The following SEMA6D variants were observed in gnomAD, a reference collection of about 807,000 sequenced individuals.
SEMA6D encodes the protein semaphorin-6D.
In SEMA6D, 35 loss-of-function variants were observed where a neutral mutation model predicts 106.6. The observed-to-expected ratio is 0.33, with a 90% CI of 0.25 to 0.44. The LOEUF is 0.44. SEMA6D is among the 20% of genes least tolerant of loss of function. The pLI, the probability that SEMA6D is intolerant of heterozygous loss-of-function variation, is 1.00. For missense variants in SEMA6D, 1,185 were observed against 1,345.9 expected, an observed-to-expected ratio of 0.88 and a Z score of 1.87; for synonymous variants, 499 against 487.7, an observed-to-expected ratio of 1.02 and a Z score of -0.31.
intron 3 of SEMA6D, among the ~76,000 whole-genome samples, chr15:47,588,344 C>T (rs2076379753): frequency 1.3e-5 from 2 of 152,164 alleles, no homozygotes; most frequent in African/African-American, 4.8e-5. Context: ...GCCTGTTCTG[C>T]CCCTATCTTT....
intron 1 of SEMA6D, among the ~76,000 whole-genome samples, chr15:47,206,177 T>G (rs1203536360): frequency 6.6e-6 from 1 of 152,212 alleles, no homozygotes; most frequent in East Asian, 1.9e-4. Flanking sequence ...AAATATCCAA[T>G]ATGTATTAAT....
At chr15:47,423,820 G>A (rs982888267) in intron 2 of SEMA6D, among the ~76,000 whole-genome samples, 1 of 151,914 alleles carries the variant, frequency 6.6e-6, no homozygotes, top group East Asian at 1.9e-4. Flanking sequence ...CCTTGGTGGT[G>A]GGGTTTGTCT....
chr15:47,316,942 A>G (rs896179186), intron 1 of SEMA6D, among the ~76,000 whole-genome samples: 6 of 152,200 alleles, frequency 3.9e-5, no homozygotes, highest in Non-Finnish European at 7.3e-5. Flanking sequence ...ATGTTTAGGA[A>G]GTAGACCCTC....
intron 2 of SEMA6D, among the ~76,000 whole-genome samples, chr15:47,422,262 G>A (rs1469753365): frequency 1.5e-5 from 2 of 135,788 alleles, no homozygotes; most frequent in Admixed American, 7.9e-5. Context: ...TATTGTTGGA[G>A]TCTTTAGTCA....
At chr15:47,691,202 AGTT>A (rs1322191287) in intron 4 of SEMA6D, among the ~76,000 whole-genome samples, 2 of 152,240 alleles carry the variant, frequency 1.3e-5, no homozygotes, top group East Asian at 3.9e-4. Context: ...TCCTCTGTAA[AGTT>A]ACTATTTTTC....
chr15:47,611,350 G>T (rs923510940), intron 4 of SEMA6D, among the ~76,000 whole-genome samples: 2 of 152,056 alleles, frequency 1.3e-5, no homozygotes, highest in Non-Finnish European at 2.9e-5. Flanking sequence ...ATGACAACAT[G>T]CTATCATATG....
At chr15:47,660,370 C>T (rs1359525395) in intron 4 of SEMA6D, among the ~76,000 whole-genome samples, 1 of 152,102 alleles carries the variant, frequency 6.6e-6, no homozygotes, top group Non-Finnish European at 1.5e-5. Flanking sequence ...AATGTGATAA[C>T]TTGCAGTTAC....
At chr15:47,572,044 C>T (rs1436480354) in intron 3 of SEMA6D, among the ~76,000 whole-genome samples, 1 of 152,162 alleles carries the variant, frequency 6.6e-6, no homozygotes, top group African/African-American at 2.4e-5. Flanking sequence ...AGATCAACAT[C>T]ACTTCTGACT....
intron 3 of SEMA6D, among the ~76,000 whole-genome samples, chr15:47,526,615 T>G (rs2044764464): frequency 6.6e-6 from 1 of 152,226 alleles, no homozygotes; most frequent in African/African-American, 2.4e-5. Context: ...GTACCATCAT[T>G]ATGGGGGTGG....
At chr15:47,357,928 G>C (rs2038653571) in intron 1 of SEMA6D, among the ~76,000 whole-genome samples, 1 of 152,136 alleles carries the variant, frequency 6.6e-6, no homozygotes, top group African/African-American at 2.4e-5. Context: ...TTTTGGTGGG[G>C]AATTCTTATC....
intron 1 of SEMA6D, among the ~76,000 whole-genome samples, chr15:47,279,343 A>T (rs2034992337): frequency 8.2e-6 from 1 of 122,682 alleles, no homozygotes; most frequent in Non-Finnish European, 1.6e-5. Context: ...TTATTGGTGT[A>T]TGAGAATGCT....
intron 3 of SEMA6D, among the ~76,000 whole-genome samples, chr15:47,497,062 T>A (rs1049021516): frequency 6.6e-6 from 1 of 152,072 alleles, no homozygotes; most frequent in African/African-American, 2.4e-5. Context: ...TCAATAGTTG[T>A]GCTCATGTCT....
intron 1 of SEMA6D, among the ~76,000 whole-genome samples, chr15:47,326,556 A>G (rs192962395): frequency 1.7e-3 from 254 of 152,182 alleles, no homozygotes; most frequent in Admixed American, 2.5e-3. Context: ...TTACATTTAC[A>G]TTTTTGTTAG....
intron 3 of SEMA6D, among the ~76,000 whole-genome samples, chr15:47,531,206 G>A (rs1436807342): frequency 6.6e-6 from 1 of 152,142 alleles, no homozygotes; most frequent in African/African-American, 2.4e-5. Flanking sequence ...AAGAAACCAT[G>A]TATTGTCAAT....
At chr15:47,513,039 C>A (rs1863269) in intron 3 of SEMA6D, among the ~76,000 whole-genome samples, 5 of 152,200 alleles carry the variant, frequency 3.3e-5, no homozygotes, top group Admixed American at 1.3e-4. Context: ...GGAGGTGGCA[C>A]GTTCTCAAAT....
intron 1 of SEMA6D, among the ~76,000 whole-genome samples, chr15:47,315,434 A>G (rs1184335096): frequency 3.3e-5 from 5 of 151,442 alleles, no homozygotes; most frequent in East Asian, 1.9e-4. Flanking sequence ...TGGACTCTCT[A>G]TCCTCTTCCA....
intron 4 of SEMA6D, among the ~76,000 whole-genome samples, chr15:47,620,207 A>G (rs73390984): frequency 0.032 from 4,822 of 152,208 alleles, 263 homozygotes; most frequent in African/African-American, 0.11. Flanking sequence ...CAAGATCAGC[A>G]CCTTCTGCAT....
chr15:47,521,878 G>A (rs1032602585), intron 3 of SEMA6D, among the ~76,000 whole-genome samples: 19 of 152,002 alleles, frequency 1.2e-4, no homozygotes, highest in Non-Finnish European at 2.6e-4. Context: ...CCAGCTACTC[G>A]GGAGGCTGAG....
intron 1 of SEMA6D, among the ~76,000 whole-genome samples, chr15:47,741,155 T>G (rs892985555): frequency 6.6e-6 from 1 of 152,364 alleles, no homozygotes; most frequent in East Asian, 1.9e-4. Flanking sequence ...CCTTTTCTTC[T>G]GTGTTATCTT....
Sources: gnomAD v4.1 joint callset for allele counts (sites outside exome capture counted in the v4.1 genomes callset) on GRCh38, gnomAD v4.1.1 for gene constraint, MANE v1.5 for transcripts, NCBI Gene and HGNC (gene_info 2026-07-23, HGNC 2026-07-21) for gene names.